Variants in GABBR2 observed in about 807,000 individuals in gnomAD.
GABBR2 encodes the protein gamma-aminobutyric acid type B receptor subunit 2, also known as G-protein coupled receptor 51.
GABBR2 carries 23 observed loss-of-function variants against 105.6 expected under a neutral mutation model. That is an observed-to-expected ratio of 0.22 (90% confidence interval 0.16 to 0.31). The LOEUF (loss-of-function observed/expected upper bound fraction) is 0.31, where lower values mean the gene tolerates loss of function less well. Ranked by LOEUF, GABBR2 falls within the 10% of genes least tolerant of loss-of-function variation. The probability of loss-of-function intolerance (pLI) is 1.00; values close to 1 mark genes in which losing one functional copy is unlikely to be tolerated. For synonymous variants in GABBR2, 478 were observed against 499.7 expected, an observed-to-expected ratio of 0.96 and a Z score of 0.58; for missense variants, 734 against 1,245.5, an observed-to-expected ratio of 0.59 and a Z score of 6.18.
At chr9:98,617,183 G>A (rs953789067) in intron 1 of GABBR2, among the ~76,000 whole-genome samples, 5 of 152,162 alleles carry the variant, frequency 3.3e-5, no homozygotes, top group African/African-American at 9.7e-5. Context: ...TCAGATGTGC[G>A]TGTGAATGGA....
chr9:98,560,442 TACACACACACACATATATACATGC>T (rs1828655052), intron 2 of GABBR2, among the ~76,000 whole-genome samples: 1 of 137,162 alleles, frequency 7.3e-6, no homozygotes, highest in Non-Finnish European at 1.6e-5. Context: ...CACACACACA[TACACACACACACATATATACATGC>T]ACACACACAC....
chr9:98,397,002 G>A (rs1022118987), intron 8 of GABBR2, among the ~76,000 whole-genome samples: 4 of 152,320 alleles, frequency 2.6e-5, no homozygotes, highest in Admixed American at 2.0e-4. Context: ...CTGGTCTAAA[G>A]AGGCAGGAGG....
chr9:98,630,818 C>G (rs556025396), intron 1 of GABBR2, among the ~76,000 whole-genome samples: 6 of 152,228 alleles, frequency 3.9e-5, no homozygotes, highest in Non-Finnish European at 8.8e-5. Context: ...TACTTTTAAA[C>G]TATAGAGCTG....
At chr9:98,652,631 G>T (rs1306275678) in intron 1 of GABBR2, among the ~76,000 whole-genome samples, 2 of 152,212 alleles carry the variant, frequency 1.3e-5, no homozygotes, top group Non-Finnish European at 2.9e-5. Flanking sequence ...TGAGGCTAGA[G>T]CCCATTTCTG....
At chr9:98,641,403 G>A (rs1829960639) in intron 1 of GABBR2, among the ~76,000 whole-genome samples, 1 of 151,554 alleles carries the variant, frequency 6.6e-6, no homozygotes, top group African/African-American at 2.4e-5. Context: ...CTCCCAAAGT[G>A]CTCGGATTAC....
At chr9:98,494,052 G>A (rs1353703593) in intron 4 of GABBR2, among the ~76,000 whole-genome samples, 2 of 152,218 alleles carry the variant, frequency 1.3e-5, no homozygotes, top group Non-Finnish European at 2.9e-5. Flanking sequence ...ACAATATAAA[G>A]AGAAGAGAGG....
chr9:98,412,710 T>C (rs759028108), intron 7 of GABBR2, among the ~76,000 whole-genome samples: 23 of 152,236 alleles, frequency 1.5e-4, no homozygotes, highest in Non-Finnish European at 2.8e-4. Context: ...ATTACGCCAG[T>C]GTTCCCTCCA....
At chr9:98,392,153 C>A (rs946416948) in intron 9 of GABBR2, among the ~76,000 whole-genome samples, 1 of 152,124 alleles carries the variant, frequency 6.6e-6, no homozygotes, top group Non-Finnish European at 1.5e-5. Flanking sequence ...GGGCAGAGCC[C>A]GGGGCTGAAA....
intron 2 of GABBR2, among the ~76,000 whole-genome samples, chr9:98,551,265 TG>T (rs1262303720): frequency 6.6e-6 from 1 of 151,992 alleles, no homozygotes; most frequent in Admixed American, 6.6e-5. Context: ...TAGCCGGGCG[TG>T]GTGGTGGGCA....
At position 98,426,627 on chromosome 9, in the gene GABBR2, A is replaced by G. The variant is rs538487277; in HGVS notation, c.1237-20486T>C. On this transcript the variant is annotated intron_variant, in intron 7 of 18. Coordinates refer to ENST00000259455, the MANE Select transcript of GABBR2 (RefSeq NM_005458.8). ...AACTAGAAACCCAGATGGCTCCACA[A>G]GGGAGTTGGGGGACTATTGGTTTCA... Among the ~76,000 whole-genome samples the G allele has an allele frequency of 1.9e-4, 29 of 152,340 alleles. No homozygotes were observed. The South Asian group carries it at 6.0e-3, about 32-fold the overall frequency.
intron 13 of GABBR2, among the ~76,000 whole-genome samples, chr9:98,354,194 C>T (rs1172018428): frequency 1.3e-5 from 2 of 152,122 alleles, no homozygotes; most frequent in Non-Finnish European, 1.5e-5. Flanking sequence ...TTCAGGAAAC[C>T]ATGCTGTAAC....
At chr9:98,553,698 G>A (rs1420395713) in intron 2 of GABBR2, among the ~76,000 whole-genome samples, 3 of 152,208 alleles carry the variant, frequency 2.0e-5, no homozygotes, top group Non-Finnish European at 4.4e-5. Context: ...CTGCATGAAG[G>A]GCTTAGCATT....
At chr9:98,423,022 T>C (rs1315456553) in intron 7 of GABBR2, among the ~76,000 whole-genome samples, 3 of 152,184 alleles carry the variant, frequency 2.0e-5, no homozygotes, top group African/African-American at 4.8e-5. Flanking sequence ...TGTTGGACAT[T>C]TGGGTTGGTT....
intron 1 of GABBR2, among the ~76,000 whole-genome samples, chr9:98,691,727 AC>A (rs1830684983): frequency 6.6e-6 from 1 of 152,156 alleles, no homozygotes; most frequent in Non-Finnish European, 1.5e-5. Flanking sequence ...TCAAAGTCCT[AC>A]CTTCCAAGCT....
intron 11 of GABBR2, among the ~76,000 whole-genome samples, chr9:98,383,520 T>G (rs1407903206): frequency 1.3e-5 from 2 of 152,168 alleles, no homozygotes; most frequent in African/African-American, 4.8e-5. Flanking sequence ...CCTGGAGCAC[T>G]GGGGTTTGAC....
chr9:98,608,857 A>T (rs1462824979), intron 1 of GABBR2, among the ~76,000 whole-genome samples: 1 of 152,226 alleles, frequency 6.6e-6, no homozygotes, highest in Non-Finnish European at 1.5e-5. Flanking sequence ...CATCTTTCAT[A>T]TGGTAGGAAC....
chr9:98,673,360 TG>T, intron 1 of GABBR2, among the ~76,000 whole-genome samples: 1 of 151,956 alleles, frequency 6.6e-6, no homozygotes, highest in East Asian at 1.9e-4. Context: ...TAGTGCATGG[TG>T]GGGAAAATGC....
chr9:98,320,953 A>C (rs1357980737), intron 13 of GABBR2, among the ~76,000 whole-genome samples: 1 of 152,058 alleles, frequency 6.6e-6, no homozygotes, highest in Non-Finnish European at 1.5e-5. Context: ...CAATGTGCAC[A>C]TGTACCCTAA....
chr9:98,639,189 G>A (rs6478792), intron 1 of GABBR2, among the ~76,000 whole-genome samples: 11,618 of 152,226 alleles, frequency 0.076, 492 homozygotes, highest in African/African-American at 0.094. Context: ...AGGTGAGTGG[G>A]TCACTCCATC....
Sources: allele counts gnomAD v4.1 joint callset (sites outside exome capture counted in the v4.1 genomes callset), GRCh38; gene constraint gnomAD v4.1.1; transcripts MANE v1.5; gene names NCBI Gene and HGNC (gene_info 2026-07-23, HGNC 2026-07-21).